Variants in CFAP97D2 observed in about 807,000 individuals in gnomAD.
CFAP97D2 encodes CFAP97 domain containing 2, also known as uncharacterized protein CFAP97D2.
At chr13:114,217,158 A>G (rs1281159038) in intron 4 of CFAP97D2, among the ~76,000 whole-genome samples, 1 of 152,222 alleles carries the variant, frequency 6.6e-6, no homozygotes, top group Non-Finnish European at 1.5e-5. Flanking sequence ...TAAAAGAGAG[A>G]AGAATCAAAT....
chr13:114,197,718 T>C (rs1222083464), intron 2 of CFAP97D2, among the ~76,000 whole-genome samples: 1 of 144,676 alleles, frequency 6.9e-6, no homozygotes, highest in African/African-American at 2.9e-5. Flanking sequence ...AGTCTCACTG[T>C]GTCGCCCAGG....
rs1400903149 is a variant in CFAP97D2 at position 114,211,150 on chromosome 13, T to G, written c.291-762T>G. Reference sequence around the variant, plus strand: ...GCCCTAACCCTGGTGGGTTCTTTACTTCGTGCTCCTCTGTGCTCCACAGCC... The same window carrying G: ...GCCCTAACCCTGGTGGGTTCTTTACGTCGTGCTCCTCTGTGCTCCACAGCC... On this transcript the variant is annotated intron_variant, in intron 3 of 4. Transcript: ENST00000646158. The surrounding 1 kb of genome is among the most constrained non-coding windows in gnomAD (Gnocchi z 4.2). 6.6e-6 allele frequency among the ~76,000 whole-genome samples: 1 copy of G among 152,180 alleles called. No individual in the cohort carries two copies. Among genetic ancestry groups the G allele is most frequent in the Admixed American group, 6.5e-5 (1 of 15,274 alleles).
chr13:114,193,873 CCATCTG>C (rs2080877382), intron 1 of CFAP97D2, among the ~76,000 whole-genome samples: 1 of 152,184 alleles, frequency 6.6e-6, no homozygotes, highest in Non-Finnish European at 1.5e-5. Flanking sequence ...CTCAGATGAT[CCATCTG>C]CCTCGGCCTC....
At chr13:114,181,994 G>A (rs1242538203) in intron 1 of CFAP97D2, among the ~76,000 whole-genome samples, 3 of 152,142 alleles carry the variant, frequency 2.0e-5, no homozygotes, top group Admixed American at 1.3e-4. Context: ...AAGACACAGA[G>A]ACAAAGTATA....
intron 1 of CFAP97D2, among the ~76,000 whole-genome samples, chr13:114,183,040 C>T (rs1397447357): frequency 6.6e-6 from 1 of 152,168 alleles, no homozygotes; most frequent in Non-Finnish European, 1.5e-5. Context: ...CTGGACTTCT[C>T]TTGGATGGGC....
chr13:114,210,146 A>G (rs2138781000), intron 3 of CFAP97D2, among the ~76,000 whole-genome samples: 1 of 152,282 alleles, frequency 6.6e-6, no homozygotes, highest in Non-Finnish European at 1.5e-5. Context: ...TTGTGCACAT[A>G]TATGTATTAA....
chr13:114,198,536 A>G (rs1297336920), intron 2 of CFAP97D2, among the ~76,000 whole-genome samples: 1 of 152,260 alleles, frequency 6.6e-6, no homozygotes, highest in Non-Finnish European at 1.5e-5. Context: ...AGGGTCACCT[A>G]ATTTTACAAG....
At chr13:114,212,496 C>T (rs1298501362) in intron 4 of CFAP97D2, among the ~76,000 whole-genome samples, 4 of 152,068 alleles carry the variant, frequency 2.6e-5, no homozygotes, top group South Asian at 4.1e-4. Context: ...AGGAGCATCG[C>T]TTGAGCTGAG....
At chr13:114,212,120 T>G (rs1310414591) in intron 4 of CFAP97D2, 1 of 398,516 alleles carries the variant, frequency 2.5e-6, no homozygotes, top group Non-Finnish European at 4.4e-6. Context: ...ACCTTCTTTT[T>G]CATCTAAAAT....
intron 4 of CFAP97D2, chr13:114,212,249 T>C (rs2080970453): frequency 2.5e-6 from 1 of 395,598 alleles, no homozygotes; most frequent in East Asian, 3.6e-5. Flanking sequence ...TGTCAAATGG[T>C]CACATCCTGT....
At position 114,185,848 on chromosome 13, in the gene CFAP97D2, C is replaced by T. The variant is rs1471098805; in HGVS notation, c.90+6428C>T. Among the ~76,000 whole-genome samples, 1 of 152,228 alleles carries T rather than the reference C, an allele frequency of 6.6e-6. No homozygotes were observed. The highest frequency in any genetic ancestry group is 1.5e-5 in the Non-Finnish European group (1 of 68,042). ...ACAGTGCTGGCTGCGTGCCTCTTGG[C>T]ATGAACAGCCTGCGTGCCATGAACA... On this transcript the variant is annotated intron_variant, in intron 1 of 4. Coordinates refer to ENST00000646158, the Ensembl canonical transcript of CFAP97D2. The surrounding 1 kb of genome is among the most constrained non-coding windows in gnomAD (Gnocchi z 5.2).
chr13:114,204,639 G>A (rs752936454), intron 3 of CFAP97D2, among the ~76,000 whole-genome samples: 1 of 152,164 alleles, frequency 6.6e-6, no homozygotes, highest in Non-Finnish European at 1.5e-5. Context: ...GCAAAAGAAT[G>A]AAGTTGGACT....
chr13:114,180,868 G>A lies in CFAP97D2; in HGVS notation c.90+1448G>A, dbSNP rs556764232. Among the ~76,000 whole-genome samples, 15 of 152,372 alleles carry A rather than the reference G, an allele frequency of 9.8e-5. No individual in the cohort carries two copies. The South Asian group carries it at 2.9e-3, about 29-fold the overall frequency. On this transcript the variant is annotated intron_variant, in intron 1 of 4. Transcript: ENST00000646158. ...ATCCTGCAGCCTAAGTGAGTAACCA[G>A]GCTCTGTACCTGAGAAACTGTAAGG...
intron 4 of CFAP97D2, among the ~76,000 whole-genome samples, chr13:114,217,939 G>T (rs60191345): frequency 1.3e-5 from 2 of 152,072 alleles, no homozygotes; most frequent in Admixed American, 6.5e-5. Flanking sequence ...GGCAAAAACT[G>T]GAAGCATTCC....
At chr13:114,181,425 C>T (rs996400858) in intron 1 of CFAP97D2, among the ~76,000 whole-genome samples, 10 of 152,008 alleles carry the variant, frequency 6.6e-5, no homozygotes, top group African/African-American at 1.2e-4. Flanking sequence ...AGCCGTCCCA[C>T]GGGGGTAGGG....
At position 114,222,056 on chromosome 13, in the gene CFAP97D2, T is replaced by G. The variant is rs2081024664; in HGVS notation, c.481-442T>G. On this transcript the variant is annotated intron_variant, in intron 4 of 4. Coordinates refer to ENST00000646158, the Ensembl canonical transcript of CFAP97D2. This position sits in a 1 kb window ranked among gnomAD's most constrained non-coding sequence, Gnocchi z 4.4. ...GGAATGATACTAGTTACAGAATGGA[T>G]AAACCTTAAAGACATTATTATGTTC... Among the ~76,000 whole-genome samples, 2 of 152,224 alleles carry G rather than the reference T, an allele frequency of 1.3e-5. No homozygotes were observed. Among genetic ancestry groups the G allele is most frequent in the Admixed American group, 1.3e-4 (2 of 15,284 alleles).
chr13:114,201,687 G>A (rs948137939), intron 3 of CFAP97D2, among the ~76,000 whole-genome samples: 3 of 152,204 alleles, frequency 2.0e-5, no homozygotes, highest in African/African-American at 4.8e-5. Flanking sequence ...GACACTTGCC[G>A]AGTTAATGCA....
At chr13:114,217,756 C>G (rs188953808) in intron 4 of CFAP97D2, among the ~76,000 whole-genome samples, 133 of 152,286 alleles carry the variant, frequency 8.7e-4, no homozygotes, top group African/African-American at 3.0e-3. Flanking sequence ...AGCATATAAA[C>G]AGAACTAATG....
rs2080856907 is a variant in CFAP97D2, at chr13:114,187,857, C to T, written c.90+8437C>T. Among the ~76,000 whole-genome samples the T allele has an allele frequency of 1.3e-5, 2 of 152,140 alleles. No individual in the cohort carries two copies. Among genetic ancestry groups the T allele is most frequent in the South Asian group, 4.1e-4 (2 of 4,826 alleles). On this transcript the variant is annotated intron_variant, in intron 1 of 4. Transcript: ENST00000646158. This position sits in a 1 kb window ranked among gnomAD's most constrained non-coding sequence, Gnocchi z 4.2. ...AGATCATGGATCATCTTCTGGGCCA[C>T]AAAACACATATTAGCAAATTTAGAA...
Sources: allele counts gnomAD v4.1 joint callset (sites outside exome capture counted in the v4.1 genomes callset), GRCh38; gene constraint gnomAD v4.1.1; non-coding constraint Gnocchi (gnomAD v3.1); transcripts MANE v1.5; gene names NCBI Gene and HGNC (gene_info 2026-07-23, HGNC 2026-07-21).